The following SEMA5A variants were observed in gnomAD, a reference collection of about 807,000 sequenced individuals.
SEMA5A encodes semaphorin 5A, also known as semaphorin-5A.
A neutral mutation model predicts 135.5 loss-of-function variants in SEMA5A; 55 were observed. That is an observed-to-expected ratio of 0.41 (90% CI 0.33 to 0.51). The LOEUF (loss-of-function observed/expected upper bound fraction) is 0.51, where lower values mean the gene tolerates loss of function less well. Among genes scored for constraint, SEMA5A ranks in the 20% least tolerant of loss-of-function variants. The probability of loss-of-function intolerance (pLI) is 0.37; values close to 1 mark genes in which losing one functional copy is unlikely to be tolerated. For synonymous variants in SEMA5A, 580 were observed against 546.5 expected, an observed-to-expected ratio of 1.06 and a Z score of -0.85; for missense variants, 1,290 against 1,419.9, an observed-to-expected ratio of 0.91 and a Z score of 1.47.
chr5:9,056,363 C>T (rs1353794589), intron 18 of SEMA5A, among the ~76,000 whole-genome samples: 1 of 152,182 alleles, frequency 6.6e-6, no homozygotes, highest in Non-Finnish European at 1.5e-5. Flanking sequence ...AGCCCTTATA[C>T]ACTGTTGGTG....
chr5:9,315,039 G>A (rs1387715665), intron 5 of SEMA5A, among the ~76,000 whole-genome samples: 1 of 152,126 alleles, frequency 6.6e-6, no homozygotes, highest in Admixed American at 6.6e-5. Context: ...GCAATGATGA[G>A]AAAAGTACAA....
intron 1 of SEMA5A, chr5:9,517,871 C>T (rs1350644204): frequency 6.6e-6 from 1 of 152,124 alleles, no homozygotes; most frequent in Non-Finnish European, 1.5e-5. Flanking sequence ...ACACAGAAAA[C>T]TAACATAGAG....
chr5:9,118,564 T>C (rs2150176567), intron 15 of SEMA5A, among the ~76,000 whole-genome samples: 1 of 152,270 alleles, frequency 6.6e-6, no homozygotes, highest in African/African-American at 2.4e-5. Context: ...GAGGATTAAC[T>C]GAGTTCTGAG....
intron 8 of SEMA5A, among the ~76,000 whole-genome samples, chr5:9,213,036 C>T (rs910408929): frequency 1.3e-5 from 2 of 152,272 alleles, no homozygotes; most frequent in African/African-American, 4.8e-5. Flanking sequence ...GGTTCCTAGC[C>T]GGCACCTTCT....
chr5:9,074,969 C>T (rs1737966960), intron 16 of SEMA5A, among the ~76,000 whole-genome samples: 5 of 152,162 alleles, frequency 3.3e-5, no homozygotes, highest in Admixed American at 3.3e-4. Context: ...TGCTACAAGA[C>T]AAACTCAGTA....
At chr5:9,140,190 T>C (rs1741988137) in intron 12 of SEMA5A, among the ~76,000 whole-genome samples, 1 of 152,250 alleles carries the variant, frequency 6.6e-6, no homozygotes, top group African/African-American at 2.4e-5. Flanking sequence ...AATAATGTAC[T>C]ATTTTAAATA....
intron 8 of SEMA5A, among the ~76,000 whole-genome samples, chr5:9,208,437 C>T (rs970350444): frequency 1.3e-5 from 2 of 152,122 alleles, no homozygotes; most frequent in African/African-American, 4.8e-5. Context: ...ACAGCCCGTG[C>T]CCTCAAGAGC....
chr5:9,257,663 G>A (rs1319843589), intron 5 of SEMA5A, among the ~76,000 whole-genome samples: 4 of 151,916 alleles, frequency 2.6e-5, no homozygotes, highest in Non-Finnish European at 5.9e-5. Flanking sequence ...AATAGATGAC[G>A]TCCCCTTACT....
At chr5:9,133,192 T>A (rs1299378803) in intron 13 of SEMA5A, among the ~76,000 whole-genome samples, 5 of 152,222 alleles carry the variant, frequency 3.3e-5, no homozygotes. Flanking sequence ...GAAAATTACA[T>A]TTCAATAGTT....
chr5:9,192,419 TAA>T (rs1489344735), intron 10 of SEMA5A, among the ~76,000 whole-genome samples: 1 of 152,216 alleles, frequency 6.6e-6, no homozygotes, highest in East Asian at 1.9e-4. Flanking sequence ...TGCCTGGCAC[TAA>T]AGAGAAGCCA....
At chr5:9,479,326 G>A (rs1250303726) in intron 1 of SEMA5A, among the ~76,000 whole-genome samples, 1 of 151,840 alleles carries the variant, frequency 6.6e-6, no homozygotes, top group Non-Finnish European at 1.5e-5. Flanking sequence ...TTTGAGGTCA[G>A]TGAGCTATGA....
At chr5:9,299,182 C>CCT (rs1464877959) in intron 5 of SEMA5A, among the ~76,000 whole-genome samples, 1 of 152,074 alleles carries the variant, frequency 6.6e-6, no homozygotes, top group Non-Finnish European at 1.5e-5. Context: ...CTGAAAGGGC[C>CCT]CTTAGAGATC....
intron 2 of SEMA5A, among the ~76,000 whole-genome samples, chr5:9,394,271 C>G (rs896356141): frequency 1.3e-5 from 2 of 152,160 alleles, no homozygotes; most frequent in African/African-American, 4.8e-5. Context: ...CATTTTAGAA[C>G]CTTATCCATT....
At chr5:9,458,728 C>T (rs1428963801) in intron 1 of SEMA5A, among the ~76,000 whole-genome samples, 1 of 152,156 alleles carries the variant, frequency 6.6e-6, no homozygotes. Flanking sequence ...CACAGGAACC[C>T]TGAATTGCCA....
chr5:9,067,921 A>G (rs1327594837), intron 16 of SEMA5A, among the ~76,000 whole-genome samples: 2 of 151,846 alleles, frequency 1.3e-5, no homozygotes, highest in Non-Finnish European at 2.9e-5. Flanking sequence ...TGAAATATTC[A>G]TCTTCTCTAC....
Position 9,107,526 on chromosome 5 carries a change from C to G in SEMA5A, c.2073+614G>C, listed in dbSNP as rs576408868. ...CTGATATGGGGATATTATTCCGTGT[C>G]CCAAACCGAATAGAGTAGCCATATA... On this transcript the variant is annotated intron_variant, in intron 16 of 22. Transcript: ENST00000382496. Among the ~76,000 whole-genome samples the G allele has an allele frequency of 5.9e-5, 9 of 152,106 alleles. No individual in the cohort carries two copies. The South Asian group carries it at 1.0e-3, about 18-fold the overall frequency.
chr5:9,235,801 A>T (rs570032788), intron 6 of SEMA5A, among the ~76,000 whole-genome samples: 2 of 152,346 alleles, frequency 1.3e-5, no homozygotes, highest in East Asian at 3.9e-4. Context: ...AGATAAAGAC[A>T]AGAAGAAAGA....
intron 11 of SEMA5A, among the ~76,000 whole-genome samples, chr5:9,161,055 T>C (rs1228286776): frequency 6.6e-6 from 1 of 152,308 alleles, no homozygotes; most frequent in Admixed American, 6.5e-5. Flanking sequence ...AACGTGTTCA[T>C]GTCCTGGAAC....
At chr5:9,358,903 T>C (rs1472102612) in intron 3 of SEMA5A, among the ~76,000 whole-genome samples, 1 of 152,114 alleles carries the variant, frequency 6.6e-6, no homozygotes, top group South Asian at 2.1e-4. Context: ...CATGATGAGA[T>C]AATTTTCTCT....
Sources: allele counts gnomAD v4.1 joint callset (sites outside exome capture counted in the v4.1 genomes callset), GRCh38; gene constraint gnomAD v4.1.1; transcripts MANE v1.5; gene names NCBI Gene and HGNC (gene_info 2026-07-23, HGNC 2026-07-21).